The following DSCAM variants were observed in gnomAD, a reference collection of about 807,000 sequenced individuals.
DSCAM encodes DS cell adhesion molecule, also known as cell adhesion molecule DSCAM.
Under a neutral mutation model 217.7 loss-of-function variants are expected in DSCAM, and 47 were observed. That is an observed-to-expected ratio of 0.22 (90% CI 0.17 to 0.28). The LOEUF is 0.28. DSCAM is among the 10% of genes least tolerant of loss of function. The pLI, the probability that DSCAM is intolerant of heterozygous loss-of-function variation, is 1.00. For missense variants in DSCAM, 2,080 were observed against 2,618.3 expected (o/e 0.79, Z 4.49); for synonymous variants, 1,056 against 1,015.3 (o/e 1.04, Z -0.76).
chr21:40,766,624 T>A (rs750388153), intron 1 of DSCAM, among the ~76,000 whole-genome samples: 1 of 148,454 alleles, frequency 6.7e-6, no homozygotes, highest in Non-Finnish European at 1.5e-5. Context: ...GTTCCAAGTT[T>A]TGGTCACCAT....
chr21:40,062,713 G>A (rs2089142001), intron 28 of DSCAM, among the ~76,000 whole-genome samples, 156 bp downstream of exon 28: 1 of 152,008 alleles, frequency 6.6e-6, no homozygotes, highest in Admixed American at 6.6e-5. Flanking sequence ...GGCATTACAT[G>A]GATATTTTGG....
intron 3 of DSCAM, among the ~76,000 whole-genome samples, chr21:40,579,899 G>A (rs184778021): frequency 7.4e-4 from 112 of 152,226 alleles, no homozygotes; most frequent in African/African-American, 2.7e-3. Context: ...TCACGTAGAA[G>A]GTGGGCATTC....
intron 16 of DSCAM, among the ~76,000 whole-genome samples, chr21:40,165,454 T>C (rs1456967381): frequency 2.0e-5 from 3 of 152,196 alleles, no homozygotes; most frequent in African/African-American, 4.8e-5. Context: ...CAGAGATAGA[T>C]TGCACTCCTC....
Position 40,671,508 on chromosome 21 carries a change from CG to C in DSCAM, c.508+21301del, listed in dbSNP as rs201432913. 2.0e-3 allele frequency among the ~76,000 whole-genome samples: 299 copies of C among 151,428 alleles called. 3 individuals are homozygous for C. The highest frequency in any genetic ancestry group is 2.7e-3 in the Non-Finnish European group (185 of 67,908). On this transcript the variant is annotated intron_variant, in intron 3 of 32. Transcript: ENST00000400454. The stretch of plus-strand genomic sequence containing the variant: ...GGTCAACATAGTGAAACTCCCCCCC[CG>C]CACCGTCTCTATTAAAAATACAAAA...
chr21:40,453,537 G>C (rs545962037), intron 3 of DSCAM, among the ~76,000 whole-genome samples: 2 of 152,258 alleles, frequency 1.3e-5, no homozygotes, highest in South Asian at 4.1e-4. Flanking sequence ...CGATTTTCCA[G>C]CTATCCTTGG....
chr21:40,349,385 G>A (rs80251121), intron 5 of DSCAM, among the ~76,000 whole-genome samples: 2 of 151,568 alleles, frequency 1.3e-5, no homozygotes, highest in African/African-American at 4.8e-5. Context: ...CTTTAAAATG[G>A]GGCTGAGTGA....
At chr21:40,194,932 T>G (rs2090991444) in intron 11 of DSCAM, among the ~76,000 whole-genome samples, 1 of 152,192 alleles carries the variant, frequency 6.6e-6, no homozygotes, top group Non-Finnish European at 1.5e-5. Context: ...AATAGCTAAT[T>G]GTTAAACATT....
At chr21:40,489,774 C>CAA (rs35247505) in intron 3 of DSCAM, among the ~76,000 whole-genome samples, 1,101 of 47,076 alleles carry the variant, frequency 0.023, 257 homozygotes, top group East Asian at 0.045. Context: ...GACTCCGTCT[C>CAA]AAAAAAAAAA....
intron 11 of DSCAM, among the ~76,000 whole-genome samples, chr21:40,242,045 G>A (rs902308629): frequency 1.3e-5 from 2 of 152,040 alleles, no homozygotes; most frequent in African/African-American, 4.8e-5. Context: ...CAACCATTGG[G>A]TACTGAGCTT....
At chr21:40,648,094 A>T (rs199895140) in intron 3 of DSCAM, among the ~76,000 whole-genome samples, 57,837 of 151,966 alleles carry the variant, frequency 0.38, 11,810 homozygotes, top group East Asian at 0.6. Context: ...TACTTGCAAA[A>T]TTTGGAAAAG....
chr21:40,130,183 A>G (rs1485657961), intron 19 of DSCAM, among the ~76,000 whole-genome samples: 1 of 152,258 alleles, frequency 6.6e-6, no homozygotes. Context: ...CAATTGGAAG[A>G]TTAATAGATT....
chr21:40,634,230 T>G (rs557211789), intron 3 of DSCAM, among the ~76,000 whole-genome samples: 1 of 152,304 alleles, frequency 6.6e-6, no homozygotes, highest in East Asian at 1.9e-4. Flanking sequence ...AGAGGAAAGA[T>G]GTTTCAGGAA....
At chr21:40,236,982 C>T (rs554128908) in intron 11 of DSCAM, among the ~76,000 whole-genome samples, 194 of 152,280 alleles carry the variant, frequency 1.3e-3, no homozygotes, top group African/African-American at 4.5e-3. Flanking sequence ...GTGTCTAGTG[C>T]CCATCACACA....
intron 3 of DSCAM, among the ~76,000 whole-genome samples, chr21:40,491,689 G>A (rs2076077426): frequency 6.6e-6 from 1 of 152,094 alleles, no homozygotes; most frequent in South Asian, 2.1e-4. Context: ...CCTTTGTGCT[G>A]TTTCTGCAAC....
At chr21:40,472,272 G>C (rs1171763604) in intron 3 of DSCAM, among the ~76,000 whole-genome samples, 1 of 152,194 alleles carries the variant, frequency 6.6e-6, no homozygotes, top group African/African-American at 2.4e-5. Context: ...TCAGTGCTTA[G>C]ACTCAGAACA....
intron 2 of DSCAM, among the ~76,000 whole-genome samples, chr21:40,694,972 G>A (rs1345693247): frequency 6.6e-6 from 1 of 152,148 alleles, no homozygotes; most frequent in East Asian, 1.9e-4. Context: ...AGGAGAAAGA[G>A]GGACTGGTCA....
intron 3 of DSCAM, among the ~76,000 whole-genome samples, chr21:40,531,732 C>T (rs2076448559): frequency 6.6e-6 from 1 of 152,224 alleles, no homozygotes; most frequent in Non-Finnish European, 1.5e-5. Flanking sequence ...GCCATCAAAA[C>T]ACAAATCTTG....
At chr21:40,631,785 C>T (rs1009174788) in intron 3 of DSCAM, among the ~76,000 whole-genome samples, 4 of 152,192 alleles carry the variant, frequency 2.6e-5, no homozygotes, top group Non-Finnish European at 5.9e-5. Flanking sequence ...CACATCTGAT[C>T]TCTGTGGGGA....
intron 3 of DSCAM, among the ~76,000 whole-genome samples, chr21:40,397,686 A>G (rs148969801): frequency 2.2e-4 from 33 of 152,206 alleles, no homozygotes; most frequent in Middle Eastern, 3.4e-3. Flanking sequence ...AACACTACCA[A>G]TACTACTGTT....
Sources: gnomAD v4.1 joint callset for allele counts (sites outside exome capture counted in the v4.1 genomes callset) on GRCh38, gnomAD v4.1.1 for gene constraint, MANE v1.5 for transcripts, NCBI Gene and HGNC (gene_info 2026-07-23, HGNC 2026-07-21) for gene names.